The following DCC variants were observed in gnomAD, a reference collection of about 807,000 sequenced individuals.
DCC encodes netrin receptor DCC.
Under a neutral mutation model 172.5 loss-of-function variants are expected in DCC, and 58 were observed. That is an observed-to-expected ratio of 0.34 (90% CI 0.27 to 0.42). DCC has a LOEUF of 0.42. Ranked by LOEUF, DCC falls within the 10% of genes least tolerant of loss-of-function variation. The pLI, the probability that DCC is intolerant of heterozygous loss-of-function variation, is 1.00. For synonymous variants in DCC, 709 were observed against 644.5 expected, an observed-to-expected ratio of 1.10 and a Z score of -1.52; for missense variants, 1,740 against 1,791.0, an observed-to-expected ratio of 0.97 and a Z score of 0.51.
intron 21 of DCC, among the ~76,000 whole-genome samples, chr18:53,418,385 G>C (rs550676858): frequency 6.6e-6 from 1 of 152,218 alleles, no homozygotes; most frequent in East Asian, 1.9e-4. Flanking sequence ...CTCTAAGATT[G>C]ATGAAAATAA....
intron 1 of DCC, among the ~76,000 whole-genome samples, chr18:52,675,589 C>T (rs2035633434): frequency 6.6e-6 from 1 of 152,194 alleles, no homozygotes; most frequent in Admixed American, 6.5e-5. Context: ...AGGACCGTGT[C>T]ATGGTCCATG....
At chr18:52,759,442 T>C (rs867180104) in intron 2 of DCC, among the ~76,000 whole-genome samples, 2 of 152,334 alleles carry the variant, frequency 1.3e-5, no homozygotes, top group Middle Eastern at 3.4e-3. Flanking sequence ...CTTTTCTTTG[T>C]TATGAATTCT....
At chr18:53,015,266 G>A (rs1461628449) in intron 5 of DCC, among the ~76,000 whole-genome samples, 2 of 152,140 alleles carry the variant, frequency 1.3e-5, no homozygotes, top group African/African-American at 2.4e-5. Context: ...AAACCTTTCT[G>A]ATCTGACCAG....
At chr18:53,413,580 A>G (rs936717565) in intron 20 of DCC, among the ~76,000 whole-genome samples, 2 of 152,176 alleles carry the variant, frequency 1.3e-5, no homozygotes, top group African/African-American at 4.8e-5. Flanking sequence ...ATAAATTCAA[A>G]AGATAAAAAT....
chr18:53,260,031 C>T (rs763207997), intron 12 of DCC, among the ~76,000 whole-genome samples: 13 of 152,158 alleles, frequency 8.5e-5, no homozygotes, highest in African/African-American at 1.2e-4. Context: ...ATGTATTTCT[C>T]GTGCCATGGT....
chr18:53,495,389 C>A (rs1396796186), intron 26 of DCC, among the ~76,000 whole-genome samples: 486 of 116,542 alleles, frequency 4.2e-3, no homozygotes, highest in South Asian at 5.4e-3. Context: ...GACTCCATCT[C>A]AAAAAAAAAA....
intron 1 of DCC, among the ~76,000 whole-genome samples, chr18:52,427,844 C>CTTTA (rs761574014): frequency 2.1e-5 from 2 of 96,866 alleles, no homozygotes; most frequent in Non-Finnish European, 4.9e-5. Context: ...TTCTTCCTTC[C>CTTTA]TTCCTTCCTT....
chr18:53,468,014 A>C lies in DCC; in HGVS notation c.3736+4A>C. On this transcript the variant is annotated splice_donor_region_variant and intron_variant, in intron 25 of 28. Transcript: ENST00000442544. Reference sequence around the variant, plus strand: ...GATGCCCAGTCCAACAATCCTGGTGAGTCAATATTGGTGCCACAATGAAGA... The same window carrying C: ...GATGCCCAGTCCAACAATCCTGGTGCGTCAATATTGGTGCCACAATGAAGA... The C allele has an allele frequency of 7.2e-7, 1 of 1,390,922 alleles. No individual in the cohort carries two copies. 86.2% of individuals were successfully genotyped at this position (1,390,922 alleles called of 1,614,324 possible).
chr18:53,400,100 A>C (rs1237682904), intron 18 of DCC, among the ~76,000 whole-genome samples: 1 of 152,148 alleles, frequency 6.6e-6, no homozygotes, highest in Non-Finnish European at 1.5e-5. Context: ...CATTTTTTTA[A>C]ATTCCTGAAG....
chr18:52,430,954 T>C (rs1473521075), intron 1 of DCC, among the ~76,000 whole-genome samples: 1 of 152,148 alleles, frequency 6.6e-6, no homozygotes, highest in Non-Finnish European at 1.5e-5. Flanking sequence ...TTACAAACTC[T>C]TTATTTTTGG....
intron 12 of DCC, among the ~76,000 whole-genome samples, chr18:53,272,091 A>T (rs1372022127): frequency 6.6e-6 from 1 of 152,064 alleles, no homozygotes; most frequent in African/African-American, 2.4e-5. Context: ...GGGTTAAGAA[A>T]CTTAGTATTT....
At chr18:52,797,146 TTCTCA>T (rs1271012750) in intron 2 of DCC, among the ~76,000 whole-genome samples, 1 of 152,162 alleles carries the variant, frequency 6.6e-6, no homozygotes, top group African/African-American at 2.4e-5. Context: ...TTTTTTGAAT[TTCTCA>T]TCTAGAGCAT....
At chr18:53,394,114 C>T (rs141068633) in intron 17 of DCC, among the ~76,000 whole-genome samples, 1 of 152,306 alleles carries the variant, frequency 6.6e-6, no homozygotes, top group East Asian at 1.9e-4. Flanking sequence ...GTAGGCAGGA[C>T]ATACACACAA....
intron 1 of DCC, among the ~76,000 whole-genome samples, chr18:52,558,213 AAG>A (rs1158016309): frequency 5.9e-5 from 9 of 151,790 alleles, no homozygotes; most frequent in Non-Finnish European, 1.5e-5. Context: ...TGAGAAAAAT[AAG>A]ATTTTTGTTA....
At chr18:53,424,468 CT>C (rs1910795746) in intron 21 of DCC, among the ~76,000 whole-genome samples, 1 of 152,128 alleles carries the variant, frequency 6.6e-6, no homozygotes, top group African/African-American at 2.4e-5. Flanking sequence ...GATATTAACA[CT>C]TCCAGTCCAG....
At chr18:52,982,836 A>T (rs1459065502) in intron 5 of DCC, among the ~76,000 whole-genome samples, 3 of 152,214 alleles carry the variant, frequency 2.0e-5, no homozygotes, top group Admixed American at 6.5e-5. Context: ...GACTGTAGGC[A>T]TCGGAGAACC....
At chr18:52,633,522 C>T (rs1300805032) in intron 1 of DCC, among the ~76,000 whole-genome samples, 1 of 152,290 alleles carries the variant, frequency 6.6e-6, no homozygotes, top group East Asian at 1.9e-4. Flanking sequence ...CCCATCTATA[C>T]AATGATGGAG....
Position 52,592,237 on chromosome 18 carries a change from T to C in DCC, c.92-159817T>C, listed in dbSNP as rs578082034. On this transcript the variant is annotated intron_variant, in intron 1 of 28. Coordinates refer to ENST00000442544, the MANE Select transcript of DCC (RefSeq NM_005215.4). ...GAATTGTAACAATAATCACTAAAAA[T>C]AGCCAGATCAACACTTCTCTAGGGC... 6.0e-4 allele frequency among the ~76,000 whole-genome samples: 92 copies of C among 152,144 alleles called. 1 individual carries two copies. The highest frequency in any genetic ancestry group is 2.1e-3 in the African/African-American group (89 of 41,516).
At chr18:52,760,939 CAATT>C (rs986442819) in intron 2 of DCC, among the ~76,000 whole-genome samples, 1 of 152,098 alleles carries the variant, frequency 6.6e-6, no homozygotes, top group African/African-American at 2.4e-5. Flanking sequence ...TTAGTGAACA[CAATT>C]ACTTATCTCC....
Sources: allele counts gnomAD v4.1 joint callset (sites outside exome capture counted in the v4.1 genomes callset), GRCh38; gene constraint gnomAD v4.1.1; transcripts MANE v1.5; gene names NCBI Gene and HGNC (gene_info 2026-07-23, HGNC 2026-07-21).